PCDHA10: variants seen among roughly 807,000 people sequenced by gnomAD.
PCDHA10 encodes protocadherin alpha-10.
In PCDHA10, 45 loss-of-function variants were observed where a neutral mutation model predicts 61.2. That is an observed-to-expected ratio of 0.74 (90% confidence interval 0.58 to 0.94). The LOEUF (loss-of-function observed/expected upper bound fraction) is 0.94, where lower values mean the gene tolerates loss of function less well. PCDHA10 is among the 40% of genes least tolerant of loss of function. The probability of loss-of-function intolerance (pLI) is 0.00; values close to 1 mark genes in which losing one functional copy is unlikely to be tolerated. For synonymous variants in PCDHA10, 602 were observed against 548.8 expected (o/e 1.10, Z -1.35); for missense variants, 1,278 against 1,236.2 (o/e 1.03, Z -0.51).
intron 3 of PCDHA10, among the ~76,000 whole-genome samples, chr5:140,984,149 G>C (rs2097089041): frequency 6.6e-6 from 1 of 152,198 alleles, no homozygotes; most frequent in Non-Finnish European, 1.5e-5. Context: ...CATCTGGGAA[G>C]GTGAGAACTT....
At chr5:140,968,278 G>A in intron 1 of PCDHA10, 1 of 1,614,014 alleles carries the variant, frequency 6.2e-7, no homozygotes, top group Non-Finnish European at 8.5e-7. Context: ...ATGCAGAGGT[G>A]ACCTACTCCC....
chr5:140,966,945 A>C, intron 1 of PCDHA10: 1 of 1,603,804 alleles, frequency 6.2e-7, no homozygotes, highest in Non-Finnish European at 8.5e-7. Context: ...CTCGTGGGCA[A>C]CGTGGCTCGC....
rs371515299 is a variant in PCDHA10, at chr5:140,870,550, G to T, written c.2388+12114G>T. 1.5e-5 allele frequency: 24 copies of T among 1,613,948 alleles called. No individual in the cohort carries two copies. The highest frequency in any genetic ancestry group is 1.6e-4 in the Middle Eastern group (1 of 6,080). ...CACAGTGTCGGCGCGGGACGCGGAC[G>T]CGCAGGAGAACGCGCTGGTGTCCTA... On this transcript the variant is annotated intron_variant, in intron 1 of 3. Transcript: ENST00000307360.
In PCDHA10 at chr5:141,010,018, T is replaced by G. The variant is rs1257083450; in HGVS notation, c.*81T>G. On this transcript the variant is annotated 3_prime_UTR_variant, in exon 4 of 4. Coordinates refer to ENST00000307360, the MANE Select transcript of PCDHA10 (RefSeq NM_018901.4). ...TCCCATGTAGCAATTCCCTGCTCCTTTTTCCTATCTACATGAGCCCTCTTA... is the reference window on the plus strand; with the variant it reads ...TCCCATGTAGCAATTCCCTGCTCCTGTTTCCTATCTACATGAGCCCTCTTA... 2.5e-5 allele frequency: 40 copies of G among 1,571,834 alleles called. No homozygotes were observed. Among genetic ancestry groups the G allele is most frequent in the Non-Finnish European group, 3.4e-5 (39 of 1,163,118 alleles).
chr5:140,865,358 A>G (rs935527495), intron 1 of PCDHA10: 2 of 152,230 alleles, frequency 1.3e-5, no homozygotes, highest in Non-Finnish European at 2.9e-5. Flanking sequence ...TACATATTGC[A>G]GGATAACCAT....
intron 1 of PCDHA10, among the ~76,000 whole-genome samples, chr5:140,892,861 G>A (rs1422724084): frequency 2.6e-5 from 4 of 152,100 alleles, no homozygotes; most frequent in African/African-American, 9.7e-5. Flanking sequence ...TTCCTCCTGT[G>A]TAGCTATAAT....
At chr5:141,002,559 G>C (rs2098085590) in intron 3 of PCDHA10, among the ~76,000 whole-genome samples, 2 of 152,192 alleles carry the variant, frequency 1.3e-5, no homozygotes. Context: ...GGATCCACCA[G>C]TTAGTGACCA....
chr5:140,929,257 C>T, intron 1 of PCDHA10: 2 of 1,612,972 alleles, frequency 1.2e-6, no homozygotes, highest in Non-Finnish European at 1.7e-6. Context: ...TGGGGTAGGA[C>T]TGAATTTGCC....
intron 1 of PCDHA10, among the ~76,000 whole-genome samples, chr5:140,914,220 C>T (rs1210445622): frequency 6.6e-6 from 1 of 152,212 alleles, no homozygotes; most frequent in South Asian, 2.1e-4. Flanking sequence ...TCTCTTTTAG[C>T]TCTAATACTA....
chr5:140,892,069 A>G (rs1554185062), intron 1 of PCDHA10, among the ~76,000 whole-genome samples: 3 of 152,208 alleles, frequency 2.0e-5, no homozygotes, highest in Non-Finnish European at 2.9e-5. Flanking sequence ...GTTACTTTGT[A>G]TAATTTCTAG....
chr5:140,914,755 T>G (rs1175753765), intron 1 of PCDHA10, among the ~76,000 whole-genome samples: 1 of 152,270 alleles, frequency 6.6e-6, no homozygotes, highest in East Asian at 1.9e-4. Flanking sequence ...CCATTTGAGG[T>G]TACATGAGGT....
chr5:140,884,385 C>T (rs1554181508), intron 1 of PCDHA10: 1 of 1,613,992 alleles, frequency 6.2e-7, no homozygotes, highest in Non-Finnish European at 8.5e-7. Context: ...GCCATCTGCG[C>T]GGTGTCCAGC....
intron 1 of PCDHA10, chr5:140,967,010 C>G: frequency 6.2e-7 from 1 of 1,606,340 alleles, no homozygotes. Flanking sequence ...CATCAACCAT[C>G]TGGGTGCGCC....
At chr5:140,967,649 T>C in intron 1 of PCDHA10, 1 of 1,614,132 alleles carries the variant, frequency 6.2e-7, no homozygotes. Context: ...GCTCAGGTAC[T>C]CCTTGAGCAG....
At chr5:140,982,592 C>G (rs376230429) in intron 3 of PCDHA10, 29 bp downstream of exon 3, 3 of 1,610,372 alleles carry the variant, frequency 1.9e-6, no homozygotes, top group Non-Finnish European at 2.5e-6. Flanking sequence ...TCCATTCTTT[C>G]TTGGTTTCTG....
chr5:140,985,650 A>G (rs2097162504), intron 3 of PCDHA10, among the ~76,000 whole-genome samples: 2 of 151,684 alleles, frequency 1.3e-5, no homozygotes, highest in South Asian at 4.2e-4. Context: ...AACACTTGCA[A>G]TGGCTGAATA....
intron 3 of PCDHA10, among the ~76,000 whole-genome samples, chr5:140,995,409 A>G (rs1056120944): frequency 2.6e-4 from 39 of 152,210 alleles, no homozygotes; most frequent in Admixed American, 6.5e-5. Flanking sequence ...TCGAGATTTC[A>G]TCACATTACT....
intron 3 of PCDHA10, among the ~76,000 whole-genome samples, chr5:140,985,834 G>T (rs550087572): frequency 1.3e-5 from 2 of 150,860 alleles, no homozygotes; most frequent in South Asian, 4.2e-4. Flanking sequence ...CTGCCTCCCG[G>T]GTTCATGCCA....
chr5:140,929,613 C>G (rs1485250435), intron 1 of PCDHA10: 2 of 406,044 alleles, frequency 4.9e-6, no homozygotes, highest in Admixed American at 8.8e-5. Flanking sequence ...AATAAAATAC[C>G]AAAATATTTT....
Sources: gnomAD v4.1 joint callset for allele counts (sites outside exome capture counted in the v4.1 genomes callset) on GRCh38, gnomAD v4.1.1 for gene constraint, MANE v1.5 for transcripts, NCBI Gene and HGNC (gene_info 2026-07-23, HGNC 2026-07-21) for gene names.